OPHN1: variants seen among roughly 807,000 people sequenced by gnomAD.
OPHN1 encodes the protein oligophrenin 1.
In OPHN1, 11 loss-of-function variants were observed where a neutral mutation model predicts 60.7. The ratio of observed to expected loss-of-function variants is 0.18; its 90% CI spans 0.11 to 0.30. The LOEUF is 0.30. Ranked by LOEUF, OPHN1 falls within the 10% of genes least tolerant of loss-of-function variation. The pLI is 1.00. For synonymous variants in OPHN1, 226 were observed against 222.6 expected, an observed-to-expected ratio of 1.02 and a Z score of -0.14; for missense variants, 449 against 611.0, an observed-to-expected ratio of 0.73 and a Z score of 2.80.
At chrX:68,178,681 G>A (rs2077424175) in intron 15 of OPHN1, among the ~76,000 whole-genome samples, 1 of 112,085 alleles carries the variant, frequency 8.9e-6, no homozygotes, top group Non-Finnish European at 1.9e-5. Flanking sequence ...TGGGATTACA[G>A]GTGTGAGCCA....
chrX:68,365,126 G>A (rs1050287651), intron 2 of OPHN1, among the ~76,000 whole-genome samples: 2 of 111,649 alleles, frequency 1.8e-5, no homozygotes, highest in African/African-American at 3.2e-5. Context: ...GAACATAGAC[G>A]CTAATAGAGG....
At chrX:68,068,848 A>G (rs1004571980) in intron 20 of OPHN1, among the ~76,000 whole-genome samples, 1 of 112,121 alleles carries the variant, frequency 8.9e-6, no homozygotes, top group Non-Finnish European at 1.9e-5. Flanking sequence ...CACATATTCT[A>G]TAATTATATT....
chrX:68,133,561 G>A, intron 15 of OPHN1: 2 of 400,325 alleles, frequency 5.0e-6, no homozygotes, highest in Non-Finnish European at 9.5e-6. Context: ...ACACTTAAAC[G>A]TTTCTGTAGG....
intron 16 of OPHN1, among the ~76,000 whole-genome samples, chrX:68,118,409 G>A (rs141992385): frequency 0.023 from 2,604 of 111,721 alleles, 36 homozygotes; most frequent in Non-Finnish European, 0.039. Context: ...CAAGTTTATG[G>A]AAAGCTCTAA....
intron 19 of OPHN1, among the ~76,000 whole-genome samples, chrX:68,095,235 A>G (rs2077033887): frequency 8.9e-6 from 1 of 111,810 alleles, no homozygotes; most frequent in South Asian, 3.7e-4. Flanking sequence ...GAATCAATTG[A>G]TTTATCAATT....
intron 6 of OPHN1, among the ~76,000 whole-genome samples, chrX:68,215,046 T>G (rs1326660761): frequency 9.0e-6 from 1 of 111,011 alleles, no homozygotes; most frequent in South Asian, 3.8e-4. Flanking sequence ...TAATTATAAT[T>G]AATATGATAA....
intron 2 of OPHN1, among the ~76,000 whole-genome samples, chrX:68,333,186 G>T (rs1295260140): frequency 3.7e-5 from 4 of 109,493 alleles, no homozygotes. Flanking sequence ...CTTAGTACAG[G>T]CAGGAAGATC....
chrX:68,086,576 G>A (rs1190596199), intron 19 of OPHN1, among the ~76,000 whole-genome samples: 1 of 111,853 alleles, frequency 8.9e-6, no homozygotes, highest in Non-Finnish European at 1.9e-5. Flanking sequence ...AGACAACCTG[G>A]GCTTGAAGGA....
At chrX:68,134,790 T>G (rs5919526) in intron 15 of OPHN1, among the ~76,000 whole-genome samples, 23 of 110,777 alleles carry the variant, frequency 2.1e-4, no homozygotes, top group Non-Finnish European at 4.0e-4. Flanking sequence ...CCAAATTCAT[T>G]TGAGGTGTCC....
chrX:68,091,360 G>A (rs754177688), intron 19 of OPHN1, among the ~76,000 whole-genome samples: 2 of 111,457 alleles, frequency 1.8e-5, no homozygotes, highest in East Asian at 2.8e-4. Context: ...AACAGCTGAT[G>A]CCAGGTTGTG....
chrX:68,167,886 A>G (rs1670302791), intron 15 of OPHN1, among the ~76,000 whole-genome samples: 1 of 110,982 alleles, frequency 9.0e-6, no homozygotes, highest in African/African-American at 3.3e-5. Flanking sequence ...CTTATACACA[A>G]TGGAGTATGA....
chrX:68,099,747 T>C (rs1317002200), intron 18 of OPHN1, among the ~76,000 whole-genome samples: 1 of 112,127 alleles, frequency 8.9e-6, no homozygotes, highest in Non-Finnish European at 1.9e-5. Context: ...CCTCTTTTTT[T>C]CCTGAAATGT....
chrX:68,055,010 A>G (rs2076867247), intron 21 of OPHN1, among the ~76,000 whole-genome samples: 1 of 112,280 alleles, frequency 8.9e-6, no homozygotes, highest in Non-Finnish European at 1.9e-5. Context: ...CAACAGCTCT[A>G]AAATGTAGAA....
chrX:68,335,326 G>A (rs1318820636), intron 2 of OPHN1, among the ~76,000 whole-genome samples: 1 of 111,794 alleles, frequency 8.9e-6, no homozygotes. Context: ...ACTTCACAGT[G>A]CAATAGAATC....
chrX:68,112,983 A>G (rs1251013117), intron 17 of OPHN1, among the ~76,000 whole-genome samples, 198 bp downstream of exon 17: 2 of 112,178 alleles, frequency 1.8e-5, no homozygotes, highest in African/African-American at 6.5e-5. Context: ...CTTAAGTAAC[A>G]CTAATTATGA....
At chrX:68,303,259 A>G (rs1349854272) in intron 2 of OPHN1, among the ~76,000 whole-genome samples, 1 of 112,349 alleles carries the variant, frequency 8.9e-6, no homozygotes, top group Non-Finnish European at 1.9e-5. Context: ...CAAAAGCAGT[A>G]TATCAAAGAG....
intron 6 of OPHN1, among the ~76,000 whole-genome samples, chrX:68,224,349 C>G (rs963822718): frequency 9.0e-6 from 1 of 111,186 alleles, no homozygotes; most frequent in Non-Finnish European, 1.9e-5. Flanking sequence ...TAAATGAAAC[C>G]TGAGTCAAAG....
chrX:68,364,819 T>C (rs1034082316), intron 2 of OPHN1, among the ~76,000 whole-genome samples: 1 of 112,452 alleles, frequency 8.9e-6, no homozygotes, highest in African/African-American at 3.2e-5. Flanking sequence ...GAAAGTTCTA[T>C]TGGACTGCAC....
chrX:68,090,242 C>CTGTGTGTGTGTG (rs10549357), intron 19 of OPHN1, among the ~76,000 whole-genome samples: 5,153 of 98,067 alleles, frequency 0.053, 163 homozygotes, highest in Non-Finnish European at 0.084. Context: ...GTGTGTGTGT[C>CTGTGTGTGTGTG]TGTGTGTGTG....
Sources: allele counts gnomAD v4.1 joint callset (sites outside exome capture counted in the v4.1 genomes callset), GRCh38; gene constraint gnomAD v4.1.1; transcripts MANE v1.5; gene names NCBI Gene and HGNC (gene_info 2026-07-23, HGNC 2026-07-21).